Variants in DOT1L observed in about 807,000 individuals in gnomAD.
DOT1L encodes DOT1 like histone lysine methyltransferase.
DOT1L carries 33 observed loss-of-function variants against 153.3 expected under a neutral mutation model. The observed-to-expected ratio is 0.22, with a 90% CI of 0.16 to 0.29. DOT1L has a LOEUF of 0.29. Ranked by LOEUF, DOT1L falls within the 10% of genes least tolerant of loss-of-function variation. The pLI is 1.00. For missense variants in DOT1L, 1,847 were observed against 2,119.9 expected (o/e 0.87, Z 2.53); for synonymous variants, 1,135 against 965.1 (o/e 1.18, Z -3.26).
At chr19:2,164,508 C>T (rs2019833346) in intron 1 of DOT1L, 1 of 307,098 alleles carries the variant, frequency 3.3e-6, no homozygotes, top group Admixed American at 5.1e-5. Flanking sequence ...AGCCCTACCG[C>T]GGTGCCGTTG....
intron 7 of DOT1L, 107 bp from the exon 8 acceptor site, chr19:2,199,777 A>G: frequency 7.2e-7 from 1 of 1,394,596 alleles, no homozygotes; most frequent in Non-Finnish European, 9.7e-7. Context: ...CTGCTCCTTC[A>G]CTGCAAGCGG....
chr19:2,192,385 C>T (rs942326375), intron 5 of DOT1L, among the ~76,000 whole-genome samples: 11 of 152,110 alleles, frequency 7.2e-5, no homozygotes, highest in East Asian at 5.8e-4. Context: ...GAATGTGTAT[C>T]GTCTGGACGT....
intron 1 of DOT1L, among the ~76,000 whole-genome samples, chr19:2,175,009 T>G (rs1005801283): frequency 6.8e-6 from 1 of 148,012 alleles, no homozygotes; most frequent in African/African-American, 2.5e-5. Context: ...TATATATTTT[T>G]TTTTTTTTAG....
At chr19:2,198,301 TG>T (rs1288346063) in intron 7 of DOT1L, among the ~76,000 whole-genome samples, 1 of 152,042 alleles carries the variant, frequency 6.6e-6, no homozygotes, top group Non-Finnish European at 1.5e-5. Context: ...GAGACGGGTG[TG>T]GGGGGTGGCC....
At position 2,210,728 on chromosome 19, in the gene DOT1L, C is replaced by T. The variant is rs376412243; in HGVS notation, c.1224C>T (p.Gly408=). The change falls in exon 14 of 28, where the codon GGC becomes GGT. Residue 408 remains glycine, a synonymous_variant. Coordinates refer to ENST00000398665, the MANE Select transcript of DOT1L (RefSeq NM_032482.3). ...ACAAGAAGGGGAGGAAGATGGCTGGCCGCAAGCGCGGGCGCCCCAAGAAGA... is the reference window on the plus strand; with the variant it reads ...ACAAGAAGGGGAGGAAGATGGCTGGTCGCAAGCGCGGGCGCCCCAAGAAGA... The part of the protein sequence containing the change: ...KLNKKGRKMA[G]RKRGRPKKMN... The T allele has an allele frequency of 1.2e-6, 2 of 1,613,160 alleles. No homozygotes were observed.
At chr19:2,210,373 C>A in intron 12 of DOT1L, 27 bp from the exon 13 acceptor site, 1 of 1,491,766 alleles carries the variant, frequency 6.7e-7, no homozygotes, top group Non-Finnish European at 8.9e-7. Flanking sequence ...CTGGGGCTTC[C>A]TGTGGCTCAA....
chr19:2,168,145 C>G (rs528206194), intron 1 of DOT1L, among the ~76,000 whole-genome samples: 2 of 152,056 alleles, frequency 1.3e-5, no homozygotes, highest in South Asian at 4.1e-4. Flanking sequence ...CCGCCACCGC[C>G]CCAGCATTCT....
chr19:2,167,497 C>G (rs938179576), intron 1 of DOT1L, among the ~76,000 whole-genome samples: 1 of 152,208 alleles, frequency 6.6e-6, no homozygotes, highest in Non-Finnish European at 1.5e-5. Context: ...GGGACTGTGC[C>G]GTGTCTTTCC....
At chr19:2,173,129 C>A (rs1332852498) in intron 1 of DOT1L, among the ~76,000 whole-genome samples, 1 of 152,308 alleles carries the variant, frequency 6.6e-6, no homozygotes, top group South Asian at 2.1e-4. Context: ...GTGCTGGTCT[C>A]CCCTAGCGTC....
chr19:2,205,690 G>GT (rs1292677671), intron 9 of DOT1L, among the ~76,000 whole-genome samples: 3 of 151,908 alleles, frequency 2.0e-5, no homozygotes, highest in African/African-American at 7.3e-5. Context: ...TCAAACCTTA[G>GT]TTTTTTGTTT....
At position 2,214,312 on chromosome 19, in the gene DOT1L, G is replaced by T. The variant is rs76972872; in HGVS notation, c.1798-159G>T. ...GTCCGTGGGGGGCCCCAGTCTCCGC[G>T]TGTTCCGCATCCTCAGCCTGCTATT... On this transcript the variant is annotated intron_variant, in intron 18 of 27. Coordinates refer to ENST00000398665, the MANE Select transcript of DOT1L (RefSeq NM_032482.3). 2,827 of 1,280,574 alleles carry T rather than the reference G, an allele frequency of 2.2e-3. 44 individuals carry two copies. The African/African-American group carries it at 0.029, about 13-fold the overall frequency. The allele number at this position is 1,280,574 out of a possible 1,614,324, so 79.3% of individuals were successfully genotyped here.
intron 19 of DOT1L, chr19:2,216,013 G>A (rs1258943642): frequency 2.3e-6 from 1 of 443,168 alleles, no homozygotes; most frequent in African/African-American, 2.0e-5. Flanking sequence ...TCTATTTTGA[G>A]AGACGAGAGC....
intron 7 of DOT1L, among the ~76,000 whole-genome samples, chr19:2,199,464 C>T (rs1044218118): frequency 8.5e-5 from 13 of 152,352 alleles, no homozygotes; most frequent in African/African-American, 2.6e-4. Flanking sequence ...CTGCCTGGAG[C>T]CCAGCATGGT....
intron 7 of DOT1L, among the ~76,000 whole-genome samples, chr19:2,195,362 C>T (rs2022972204): frequency 6.6e-6 from 1 of 152,162 alleles, no homozygotes; most frequent in African/African-American, 2.4e-5. Flanking sequence ...CTGTGTGCTC[C>T]TCCTCACAGT....
chr19:2,174,958 ATGTG>A (rs71337121), intron 1 of DOT1L, among the ~76,000 whole-genome samples: 2,194 of 130,020 alleles, frequency 0.017, 28 homozygotes, highest in African/African-American at 0.031. Flanking sequence ...TTTTAAATAT[ATGTG>A]TGTGTGTGTG....
rs902282285 is a variant in DOT1L at position 2,231,873 on chromosome 19, TGTTCA to T, written c.*2083_*2087del. 2.7e-5 allele frequency: 6 copies of T among 220,108 alleles called. No homozygotes were observed. Among genetic ancestry groups the T allele is most frequent in the African/African-American group, 1.3e-4 (6 of 44,532 alleles). 13.6% of individuals were successfully genotyped at this position (220,108 alleles called of 1,614,324 possible). Reference sequence around the variant, plus strand: ...GCTCCTGCCCACGCAGGCCACCGTATGTTCAGGACACGCACTGGGTCTCAGAGCCA... The same window carrying T: ...GCTCCTGCCCACGCAGGCCACCGTATGGACACGCACTGGGTCTCAGAGCCA... On this transcript the variant is annotated 3_prime_UTR_variant, in exon 28 of 28. Transcript: ENST00000398665.
chr19:2,194,291 C>T (rs1424777913), intron 6 of DOT1L, among the ~76,000 whole-genome samples: 2 of 152,218 alleles, frequency 1.3e-5, no homozygotes, highest in African/African-American at 2.4e-5. Flanking sequence ...CTGCCTCAGC[C>T]TCCCGAGTAG....
intron 7 of DOT1L, 94 bp from the exon 8 acceptor site, chr19:2,199,790 C>G: frequency 7.2e-7 from 1 of 1,393,778 alleles, no homozygotes. Context: ...GCAAGCGGAG[C>G]TGTGTTCATT....
intron 27 of DOT1L, chr19:2,227,909 TCCGCCTCCGCCTCCGCCTCCC>T: frequency 1.0e-6 from 1 of 996,096 alleles, no homozygotes; most frequent in Non-Finnish European, 1.2e-6. Flanking sequence ...GGCCGCCCCC[TCCGCCTCCGCCTCCGCCTCCC>T]CCGCTGCCCC....
Sources: allele counts gnomAD v4.1 joint callset (sites outside exome capture counted in the v4.1 genomes callset), GRCh38; gene constraint gnomAD v4.1.1; transcripts MANE v1.5; gene names NCBI Gene and HGNC (gene_info 2026-07-23, HGNC 2026-07-21).